AKAP6: variants seen among roughly 807,000 people sequenced by gnomAD.
The protein encoded by AKAP6 is A-kinase anchor protein 6.
Under a neutral mutation model 188.5 loss-of-function variants are expected in AKAP6, and 58 were observed. That is an observed-to-expected ratio of 0.31 (90% CI 0.25 to 0.38). AKAP6 has a LOEUF of 0.38. AKAP6 is among the 10% of genes least tolerant of loss of function. The pLI is 1.00. For synonymous variants in AKAP6, 989 were observed against 998.6 expected (o/e 0.99, Z 0.18); for missense variants, 2,710 against 2,740.0 (o/e 0.99, Z 0.24).
chr14:32,685,090 A>T (rs1332442428), intron 8 of AKAP6, among the ~76,000 whole-genome samples: 1 of 89,524 alleles, frequency 1.1e-5, no homozygotes, highest in Non-Finnish European at 2.0e-5. Flanking sequence ...ACCCCCCCCT[A>T]CCAAACCTAC....
intron 1 of AKAP6, among the ~76,000 whole-genome samples, chr14:32,395,030 G>A (rs1175726406): frequency 2.0e-5 from 3 of 151,902 alleles, no homozygotes; most frequent in Non-Finnish European, 4.4e-5. Flanking sequence ...GTTAACTTCA[G>A]GAATTAAGTA....
At chr14:32,341,261 C>T (rs1016196962) in intron 1 of AKAP6, among the ~76,000 whole-genome samples, 3 of 152,126 alleles carry the variant, frequency 2.0e-5, no homozygotes, top group Admixed American at 1.3e-4. Context: ...TTCCCCTCTA[C>T]CCTTCCTATT....
chr14:32,554,983 A>G (rs1883628510), intron 4 of AKAP6, among the ~76,000 whole-genome samples: 2 of 152,214 alleles, frequency 1.3e-5, no homozygotes, highest in African/African-American at 4.8e-5. Context: ...TCCACAAGAG[A>G]TGTAAATGTC....
chr14:32,337,591 C>CT (rs1190943361), intron 1 of AKAP6, among the ~76,000 whole-genome samples: 16 of 151,684 alleles, frequency 1.1e-4, no homozygotes, highest in Non-Finnish European at 1.6e-4. Flanking sequence ...TATTATTATA[C>CT]TTTAAGTTTT....
chr14:32,493,480 G>A (rs1461894673), intron 2 of AKAP6, among the ~76,000 whole-genome samples: 2 of 152,200 alleles, frequency 1.3e-5, no homozygotes, highest in South Asian at 2.1e-4. Flanking sequence ...CAAAGTGCTT[G>A]GATTACAGGT....
chr14:32,756,077 G>A (rs951922874), intron 11 of AKAP6, among the ~76,000 whole-genome samples: 40 of 152,220 alleles, frequency 2.6e-4, no homozygotes, highest in African/African-American at 8.7e-4. Context: ...ACCTGGGTCA[G>A]CAGGTGGGTG....
intron 8 of AKAP6, among the ~76,000 whole-genome samples, chr14:32,687,012 T>C (rs1594847721): frequency 6.6e-6 from 1 of 152,126 alleles, no homozygotes; most frequent in Non-Finnish European, 1.5e-5. Flanking sequence ...ATAGAAACAG[T>C]ATATACAGGT....
chr14:32,391,587 C>T (rs558233475), intron 1 of AKAP6, among the ~76,000 whole-genome samples: 43 of 152,280 alleles, frequency 2.8e-4, no homozygotes, highest in African/African-American at 8.4e-4. Context: ...TCTGGTTGGG[C>T]GGTTTCTCAT....
chr14:32,344,986 A>C (rs1367651138), intron 1 of AKAP6, among the ~76,000 whole-genome samples: 1 of 151,274 alleles, frequency 6.6e-6, no homozygotes, highest in Non-Finnish European at 1.5e-5. Context: ...GTACGTGTTT[A>C]GGATGAGGCT....
chr14:32,349,590 A>G (rs1398876778), intron 1 of AKAP6, among the ~76,000 whole-genome samples: 1 of 152,218 alleles, frequency 6.6e-6, no homozygotes, highest in Non-Finnish European at 1.5e-5. Context: ...CAAATTTATT[A>G]CAAATGTGCA....
At chr14:32,415,867 C>T (rs1236498211) in intron 1 of AKAP6, among the ~76,000 whole-genome samples, 9 of 152,096 alleles carry the variant, frequency 5.9e-5, no homozygotes, top group African/African-American at 2.2e-4. Context: ...ATCAGATTTT[C>T]CTTCCTTTTT....
At chr14:32,504,253 G>C (rs1359988891) in intron 2 of AKAP6, among the ~76,000 whole-genome samples, 1 of 151,902 alleles carries the variant, frequency 6.6e-6, no homozygotes, top group Non-Finnish European at 1.5e-5. Flanking sequence ...TATTACTATT[G>C]ATTTTCAGGT....
chr14:32,459,008 T>C (rs878856436), intron 2 of AKAP6, among the ~76,000 whole-genome samples: 1 of 152,128 alleles, frequency 6.6e-6, no homozygotes, highest in Admixed American at 6.5e-5. Flanking sequence ...GGTGAAAAGA[T>C]AGAGAAAATG....
At chr14:32,774,629 A>G (rs1214772623) in intron 12 of AKAP6, among the ~76,000 whole-genome samples, 2 of 152,180 alleles carry the variant, frequency 1.3e-5, no homozygotes, top group Admixed American at 6.6e-5. Context: ...GAGAGCCTTC[A>G]TATCCTTTAG....
chr14:32,511,296 A>G (rs1881246724), intron 2 of AKAP6, among the ~76,000 whole-genome samples: 2 of 151,742 alleles, frequency 1.3e-5, no homozygotes, highest in Admixed American at 6.6e-5. Context: ...AAGAGGCAAG[A>G]TCTTTCTTGT....
At chr14:32,769,872 A>G (rs2032844505) in intron 11 of AKAP6, among the ~76,000 whole-genome samples, 2 of 152,186 alleles carry the variant, frequency 1.3e-5, no homozygotes, top group African/African-American at 4.8e-5. Context: ...TTTATAAACT[A>G]TATGACATTC....
intron 4 of AKAP6, among the ~76,000 whole-genome samples, chr14:32,564,205 A>G (rs1359594020): frequency 1.3e-5 from 2 of 152,236 alleles, no homozygotes; most frequent in Non-Finnish European, 2.9e-5. Flanking sequence ...CATGTTTAGT[A>G]CAGATGTCAC....
chr14:32,546,441 A>T lies in AKAP6; in HGVS notation c.1788A>T (p.Pro596=), dbSNP rs764372881. 2.5e-6 allele frequency: 4 copies of T among 1,614,156 alleles called. 1 individual carries two copies. The South Asian group carries it at 4.4e-5, about 18-fold the overall frequency. ...CAGACAACATCATGTCTCCGGTGCC[A>T]CTTCTTTCAAAACACAAAAGCAAAA... is the stretch of plus-strand genomic sequence containing the variant. ...VGSDNIMSPV[P]LLSKHKSKKG... Residue 596 remains proline (P), a synonymous_variant, in exon 4 of 14, where the codon CCA becomes CCT. Coordinates refer to ENST00000280979, the MANE Select transcript of AKAP6 (RefSeq NM_004274.5).
intron 12 of AKAP6, among the ~76,000 whole-genome samples, chr14:32,777,179 C>T (rs79743452): frequency 0.01 from 1,548 of 152,270 alleles, 11 homozygotes; most frequent in Non-Finnish European, 0.016. Context: ...AAGGATCAAA[C>T]TGTTTCAAAG....
Sources: allele counts gnomAD v4.1 joint callset (sites outside exome capture counted in the v4.1 genomes callset), GRCh38; gene constraint gnomAD v4.1.1; transcripts MANE v1.5; gene names NCBI Gene and HGNC (gene_info 2026-07-23, HGNC 2026-07-21).